The following KANK1 variants were observed in gnomAD, a reference collection of about 807,000 sequenced individuals.
KANK1 encodes the protein KN motif and ankyrin repeat domains 1.
A neutral mutation model predicts 106.2 loss-of-function variants in KANK1; 109 were observed. The ratio of observed to expected loss-of-function variants is 1.03; its 90% CI spans 0.88 to 1.20. KANK1 has a LOEUF of 1.20. KANK1 is among the 50% of genes most tolerant of loss of function. The probability of loss-of-function intolerance (pLI) is 0.00; values close to 1 mark genes in which losing one functional copy is unlikely to be tolerated. For synonymous variants in KANK1, 873 were observed against 652.2 expected, an observed-to-expected ratio of 1.34 and a Z score of -5.16; for missense variants, 2,399 against 1,710.7, an observed-to-expected ratio of 1.40 and a Z score of -7.10.
chr9:518,501 G>A (rs190065296), intron 1 of KANK1, among the ~76,000 whole-genome samples: 70 of 151,806 alleles, frequency 4.6e-4, no homozygotes, highest in South Asian at 3.9e-3. Context: ...GGAGGGGTTC[G>A]GAGCATGGGT....
chr9:712,798 G>T lies in KANK1; in HGVS notation c.2032G>T (p.Glu678Ter). 1 of 1,613,854 alleles carries T rather than the reference G, an allele frequency of 6.2e-7. No homozygotes were observed. The change falls in exon 3 of 12, where the codon GAA (glutamate) becomes TAA (stop). Residue 678 changes from glutamate to a stop codon, truncating the protein, a stop_gained. Coordinates refer to ENST00000382297, the MANE Select transcript of KANK1 (RefSeq NM_015158.5). LOFTEE classifies it high-confidence loss of function. ...AGACCAGGACACTAGCACAGATTTG[G>T]AACAGGTGCACCAGTTCACCAACAC... ...TADQDTSTDL[E>*]QVHQFTNTET...
At chr9:607,793 G>A (rs118103198) in intron 1 of KANK1, among the ~76,000 whole-genome samples, 6,570 of 151,606 alleles carry the variant, frequency 0.043, 199 homozygotes, top group South Asian at 0.083. Context: ...GTGTGGTAAC[G>A]ATTTTAGGCA....
Position 677,108 on chromosome 9 carries a change from A to G in KANK1, c.37+99A>G, listed in dbSNP as rs541042433. ...ATGAACGGATAATAGCAAGTTGCCT[A>G]GATAACTAGGATTTCAAAGCAATTT... On this transcript the variant is annotated intron_variant, in intron 2 of 11. Transcript: ENST00000382297. The G allele has an allele frequency of 2.4e-5, 27 of 1,108,222 alleles. 1 individual carries two copies. The East Asian group carries it at 6.1e-4, about 25-fold the overall frequency. 68.6% of individuals were successfully genotyped at this position (1,108,222 alleles called of 1,614,324 possible). A position where few individuals can be genotyped will look rare whatever the true frequency, so the allele number is the denominator to read the frequency against.
chr9:640,430 C>G (rs777313115), intron 1 of KANK1, among the ~76,000 whole-genome samples: 3 of 150,344 alleles, frequency 2.0e-5, no homozygotes, highest in Non-Finnish European at 4.4e-5. Flanking sequence ...CAGAGTCAGT[C>G]TCTGTCTCCC....
At chr9:520,655 T>C (rs1479734330) in intron 1 of KANK1, among the ~76,000 whole-genome samples, 1 of 151,814 alleles carries the variant, frequency 6.6e-6, no homozygotes, top group Admixed American at 6.6e-5. Context: ...GTTTTTAGAA[T>C]TGGTTAAATC....
chr9:610,947 A>G (rs1022481132), intron 1 of KANK1, among the ~76,000 whole-genome samples: 5 of 152,166 alleles, frequency 3.3e-5, no homozygotes, highest in African/African-American at 1.2e-4. Context: ...GAAGAATGAA[A>G]TGGTATTCTC....
intron 1 of KANK1, among the ~76,000 whole-genome samples, chr9:541,859 G>A (rs1023560857): frequency 1.3e-5 from 2 of 152,120 alleles, no homozygotes; most frequent in East Asian, 1.9e-4. Context: ...GGAGGTCGAG[G>A]CGGGCGGATC....
At chr9:686,175 T>G (rs1051749483) in intron 2 of KANK1, among the ~76,000 whole-genome samples, 2 of 152,324 alleles carry the variant, frequency 1.3e-5, no homozygotes, top group African/African-American at 4.8e-5. Context: ...TCTCTCTTCC[T>G]CTGTTCTCAG....
intron 1 of KANK1, among the ~76,000 whole-genome samples, chr9:659,108 G>A (rs567414560): frequency 6.6e-6 from 1 of 152,178 alleles, no homozygotes; most frequent in Non-Finnish European, 1.5e-5. Flanking sequence ...GGCAAGAACT[G>A]AGTTTATTTT....
chr9:510,644 G>A (rs568172039), intron 1 of KANK1, among the ~76,000 whole-genome samples: 13 of 152,312 alleles, frequency 8.5e-5, no homozygotes, highest in Non-Finnish European at 1.3e-4. Context: ...ACTGGACAGT[G>A]GGGTTGGTGA....
intron 1 of KANK1, among the ~76,000 whole-genome samples, chr9:517,801 T>A (rs868858260): frequency 6.7e-6 from 1 of 148,544 alleles, no homozygotes; most frequent in Non-Finnish European, 1.5e-5. Context: ...TAAAGTGGCG[T>A]GATCTCGGCT....
At chr9:595,169 C>T (rs1384793372) in intron 1 of KANK1, among the ~76,000 whole-genome samples, 1 of 151,836 alleles carries the variant, frequency 6.6e-6, no homozygotes, top group Non-Finnish European at 1.5e-5. Flanking sequence ...GTCCCAGCTA[C>T]TCAGGAAGCT....
intron 7 of KANK1, among the ~76,000 whole-genome samples, 195 bp from the exon 8 acceptor site, chr9:738,090 C>G (rs1327241076): frequency 6.6e-6 from 1 of 152,188 alleles, no homozygotes; most frequent in East Asian, 1.9e-4. Flanking sequence ...ACATTAGAAT[C>G]TACACGTCAT....
At chr9:608,482 T>C (rs781053596) in intron 1 of KANK1, among the ~76,000 whole-genome samples, 8 of 151,848 alleles carry the variant, frequency 5.3e-5, no homozygotes, top group African/African-American at 1.2e-4. Flanking sequence ...ATGTTACCTA[T>C]AAGAAAAGAT....
At chr9:738,774 G>C (rs1834511756) in intron 8 of KANK1, among the ~76,000 whole-genome samples, 2 of 152,226 alleles carry the variant, frequency 1.3e-5, no homozygotes, top group African/African-American at 4.8e-5. Context: ...AAAAGTGAGA[G>C]GTGTATGCCT....
chr9:690,383 C>A (rs940596586), intron 2 of KANK1, among the ~76,000 whole-genome samples: 2 of 151,356 alleles, frequency 1.3e-5, no homozygotes, highest in Non-Finnish European at 2.9e-5. Context: ...AAATAGTATG[C>A]ATTCAGCAGT....
chr9:512,695 C>T (rs2059087928), intron 1 of KANK1, among the ~76,000 whole-genome samples: 1 of 152,036 alleles, frequency 6.6e-6, no homozygotes, highest in African/African-American at 2.4e-5. Context: ...CAGGCTCAAG[C>T]AGAGGGGACA....
chr9:640,833 C>A (rs1029462075), intron 1 of KANK1, among the ~76,000 whole-genome samples: 3 of 151,512 alleles, frequency 2.0e-5, no homozygotes, highest in Admixed American at 1.3e-4. Flanking sequence ...AGTAGCTGGA[C>A]CTACATGTGC....
intron 2 of KANK1, chr9:684,372 G>C: frequency 1.0e-6 from 1 of 985,328 alleles, no homozygotes; most frequent in Non-Finnish European, 1.2e-6. Flanking sequence ...TTTTTGCCTG[G>C]TACCAACTTT....
Sources: allele counts gnomAD v4.1 joint callset (sites outside exome capture counted in the v4.1 genomes callset), GRCh38; gene constraint gnomAD v4.1.1; transcripts MANE v1.5; gene names NCBI Gene and HGNC (gene_info 2026-07-23, HGNC 2026-07-21).